Variants in PTPRN2 observed in about 807,000 individuals in gnomAD.
The protein encoded by PTPRN2 is protein tyrosine phosphatase receptor type N2.
PTPRN2 carries 74 observed loss-of-function variants against 118.8 expected under a neutral mutation model. That is an observed-to-expected ratio of 0.62 (90% confidence interval 0.52 to 0.76). The LOEUF is 0.76. Ranked by LOEUF, PTPRN2 falls within the 30% of genes least tolerant of loss-of-function variation. The pLI is 0.00. For missense variants in PTPRN2, 1,481 were observed against 1,394.4 expected (o/e 1.06, Z -0.99); for synonymous variants, 641 against 608.0 (o/e 1.05, Z -0.80).
rs73729799 is a variant in PTPRN2, at chr7:158,405,208, G to A, written c.163+84527C>T. ...GGATGCCTGGAGTCCACATCCTCCC[G>A]GGGTGCCTGGGAGATCTCTAGAATT... On this transcript the variant is annotated intron_variant, in intron 2 of 22. Coordinates refer to ENST00000389418, the MANE Select transcript of PTPRN2 (RefSeq NM_002847.5). Among the ~76,000 whole-genome samples the A allele has an allele frequency of 5.4e-3, 820 of 152,200 alleles. 12 individuals carry two copies. The highest frequency in any genetic ancestry group is 0.018 in the African/African-American group (739 of 41,530).
intron 1 of PTPRN2, among the ~76,000 whole-genome samples, chr7:158,575,510 G>A (rs979207385): frequency 1.3e-5 from 2 of 152,204 alleles, no homozygotes; most frequent in African/African-American, 2.4e-5. Context: ...GACCACAGGT[G>A]TGTGCCACCA....
At position 158,071,067 on chromosome 7, in the gene PTPRN2, TCGTGGTGGTGGAGGTGCC is replaced by T. The variant is rs1585332086; in HGVS notation, c.1723+10213_1723+10230del. Reference sequence around the variant, plus strand: ...GAGGTGCTCATGGTGGTGGAGGTGCTCGTGGTGGTGGAGGTGCCCGTGGTGGTGGAGGTGCTCGTGGTG... The same window carrying T: ...GAGGTGCTCATGGTGGTGGAGGTGCTCGTGGTGGTGGAGGTGCTCGTGGTG... On this transcript the variant is annotated intron_variant, in intron 11 of 22. Transcript: ENST00000389418. Among the ~76,000 whole-genome samples, 19 of 50,510 alleles carry T rather than the reference TCGTGGTGGTGGAGGTGCC, an allele frequency of 3.8e-4. 1 individual carries two copies. Among genetic ancestry groups the T allele is most frequent in the Non-Finnish European group, 5.4e-4 (15 of 27,628 alleles). 33.1% of individuals were successfully genotyped at this position (50,510 alleles called of 152,430 possible).
At chr7:158,113,665 G>A (rs554896286) in intron 9 of PTPRN2, among the ~76,000 whole-genome samples, 9 of 152,218 alleles carry the variant, frequency 5.9e-5, no homozygotes, top group Non-Finnish European at 1.3e-4. Context: ...GCTGGAGAGA[G>A]AGGGTAGTTC....
chr7:158,260,972 G>C (rs1272245543), intron 3 of PTPRN2, among the ~76,000 whole-genome samples: 1 of 152,158 alleles, frequency 6.6e-6, no homozygotes, highest in African/African-American at 2.4e-5. Context: ...TGTCCCTCCA[G>C]GGTCAGCTCA....
chr7:158,138,092 C>T (rs1217353325), intron 7 of PTPRN2, among the ~76,000 whole-genome samples: 3 of 152,228 alleles, frequency 2.0e-5, no homozygotes, highest in African/African-American at 4.8e-5. Context: ...TGCCATTCAA[C>T]ATAATTGCTC....
intron 12 of PTPRN2, among the ~76,000 whole-genome samples, chr7:157,737,363 C>T (rs1585343122): frequency 6.6e-6 from 1 of 152,362 alleles, no homozygotes; most frequent in East Asian, 1.9e-4. Context: ...TCAGCACGAC[C>T]TCAACCTGAT....
In PTPRN2 at chr7:157,986,165, G is replaced by A. The variant is rs910641616; in HGVS notation, c.1724-87428C>T. Among the ~76,000 whole-genome samples the A allele has an allele frequency of 6.6e-6, 1 of 152,152 alleles. No homozygotes were observed. Among genetic ancestry groups the A allele is most frequent in the Non-Finnish European group, 1.5e-5 (1 of 68,032 alleles). ...GATAGATACCCTCATCTACAGCCCCGCTCTCGTATGTCCGGGGGAAGCTAT... is the reference window on the plus strand; with the variant it reads ...GATAGATACCCTCATCTACAGCCCCACTCTCGTATGTCCGGGGGAAGCTAT... On this transcript the variant is annotated intron_variant, in intron 11 of 22. Transcript: ENST00000389418. This position sits in a 1 kb window ranked among gnomAD's most constrained non-coding sequence, Gnocchi z 4.5.
rs1378190923 is a variant in PTPRN2, at chr7:157,861,840, C to T, written c.1788+36833G>A. Among the ~76,000 whole-genome samples the T allele has an allele frequency of 2.0e-5, 3 of 152,144 alleles. No homozygotes were observed. Among genetic ancestry groups the T allele is most frequent in the Non-Finnish European group, 4.4e-5 (3 of 68,036 alleles). ...GTCTGTCCTCTCCGTCGCAGGGACA[C>T]GGATGCTTCGAGGACTCTGTGTGCC... is the stretch of plus-strand genomic sequence containing the variant. On this transcript the variant is annotated intron_variant, in intron 12 of 22. Coordinates refer to ENST00000389418, the MANE Select transcript of PTPRN2 (RefSeq NM_002847.5). This position sits in a 1 kb window ranked among gnomAD's most constrained non-coding sequence, Gnocchi z 5.8.
At position 157,603,294 on chromosome 7, in the gene PTPRN2, C is replaced by T. The variant is rs971103171; in HGVS notation, c.2418+708G>A. Among the ~76,000 whole-genome samples the T allele has an allele frequency of 1.3e-5, 2 of 150,764 alleles. No individual in the cohort carries two copies. The highest frequency in any genetic ancestry group is 4.9e-5 in the African/African-American group (2 of 40,514). On this transcript the variant is annotated intron_variant, in intron 16 of 22. Transcript: ENST00000389418. This position sits in a 1 kb window ranked among gnomAD's most constrained non-coding sequence, Gnocchi z 5.4. ...ACCTCCCCATTCAGCCCTGCTCCCC[C>T]GACAGGTCATGACAGGGAAGGGGGA...
chr7:157,589,131 C>T (rs552939810), intron 17 of PTPRN2, among the ~76,000 whole-genome samples: 35 of 152,284 alleles, frequency 2.3e-4, no homozygotes, highest in African/African-American at 8.2e-4. Flanking sequence ...TCCCTGAGCC[C>T]CTGGCTACTA....
At chr7:157,909,743 A>C (rs1036269784) in intron 11 of PTPRN2, among the ~76,000 whole-genome samples, 1 of 152,136 alleles carries the variant, frequency 6.6e-6, no homozygotes, top group African/African-American at 2.4e-5. Flanking sequence ...TTCTTTCCCA[A>C]AACATTTATC....
intron 6 of PTPRN2, among the ~76,000 whole-genome samples, chr7:158,146,829 T>G (rs917324083): frequency 2.0e-5 from 3 of 152,028 alleles, no homozygotes; most frequent in Non-Finnish European, 4.4e-5. Flanking sequence ...TAAAATGTTT[T>G]GGAGGCCAGA....
chr7:157,625,164 CAG>C (rs1391986967), intron 14 of PTPRN2, among the ~76,000 whole-genome samples: 1 of 152,196 alleles, frequency 6.6e-6, no homozygotes, highest in Non-Finnish European at 1.5e-5. Flanking sequence ...CTATAGAAAA[CAG>C]TGTGGAGATT....
At chr7:157,981,079 TCA>T (rs1442202324) in intron 11 of PTPRN2, among the ~76,000 whole-genome samples, 1 of 152,258 alleles carries the variant, frequency 6.6e-6, no homozygotes, top group Non-Finnish European at 1.5e-5. Context: ...TGTCAGGCAC[TCA>T]CACAGTTAGA....
rs1223293360 is a variant in PTPRN2 at position 158,563,494 on chromosome 7, G to A, written c.112+24064C>T. Reference sequence around the variant, plus strand: ...TGGTGCAAGCTAAAAAAATGACCAAGATATAAGGCCGTGGAAATGCAACTT... The same window carrying A: ...TGGTGCAAGCTAAAAAAATGACCAAAATATAAGGCCGTGGAAATGCAACTT... On this transcript the variant is annotated intron_variant, in intron 1 of 22. Transcript: ENST00000389418. This position sits in a 1 kb window ranked among gnomAD's most constrained non-coding sequence, Gnocchi z 5.1. 6.6e-6 allele frequency among the ~76,000 whole-genome samples: 1 copy of A among 152,224 alleles called. No individual in the cohort carries two copies. The highest frequency in any genetic ancestry group is 1.5e-5 in the Non-Finnish European group (1 of 68,042).
rs537841530 is a variant in PTPRN2 at position 158,023,670 on chromosome 7, A to G, written c.1723+57628T>C. Among the ~76,000 whole-genome samples, 12 of 152,324 alleles carry G rather than the reference A, an allele frequency of 7.9e-5. No individual in the cohort carries two copies. In the South Asian group the frequency reaches 2.3e-3, roughly 29 times the overall value. On this transcript the variant is annotated intron_variant, in intron 11 of 22. Coordinates refer to ENST00000389418, the MANE Select transcript of PTPRN2 (RefSeq NM_002847.5). The stretch of plus-strand genomic sequence containing the variant: ...TAGAGACCCTGAGCTTGCATTCAGC[A>G]GACACACACATTCTTAACCTATCTT...
At chr7:158,340,615 G>T (rs1197132457) in intron 2 of PTPRN2, among the ~76,000 whole-genome samples, 1 of 107,658 alleles carries the variant, frequency 9.3e-6, no homozygotes, top group East Asian at 3.0e-4. Flanking sequence ...ACCCACACAC[G>T]TCACTCACAC....
chr7:158,053,863 C>CAGAGACCCCAGAGAT (rs1809537798), intron 11 of PTPRN2, among the ~76,000 whole-genome samples: 3 of 105,172 alleles, frequency 2.9e-5, no homozygotes, highest in African/African-American at 4.2e-5. Flanking sequence ...ACTCCAGAGA[C>CAGAGACCCCAGAGAT]GCAGAGACCC....
chr7:158,405,663 G>A (rs926892998), intron 2 of PTPRN2, among the ~76,000 whole-genome samples: 15 of 152,198 alleles, frequency 9.9e-5, no homozygotes, highest in African/African-American at 2.2e-4. Context: ...ACCAAGATCC[G>A]GCCCTCTATA....
Sources: allele counts gnomAD v4.1 joint callset (sites outside exome capture counted in the v4.1 genomes callset), GRCh38; gene constraint gnomAD v4.1.1; non-coding constraint Gnocchi (gnomAD v3.1); transcripts MANE v1.5; gene names NCBI Gene and HGNC (gene_info 2026-07-23, HGNC 2026-07-21).